Variants in ZNF407 observed in about 807,000 individuals in gnomAD.
The protein encoded by ZNF407 is zinc finger protein 407.
A neutral mutation model predicts 131.2 loss-of-function variants in ZNF407; 17 were observed. That is an observed-to-expected ratio of 0.13 (90% CI 0.09 to 0.19). The LOEUF (loss-of-function observed/expected upper bound fraction) is 0.19, where lower values mean the gene tolerates loss of function less well. ZNF407 is among the 10% of genes least tolerant of loss of function. ZNF407 has a pLI of 1.00. For missense variants in ZNF407, 2,681 were observed against 2,830.6 expected, an observed-to-expected ratio of 0.95 and a Z score of 1.20; for synonymous variants, 1,156 against 1,062.0, an observed-to-expected ratio of 1.09 and a Z score of -1.72.
intron 3 of ZNF407, among the ~76,000 whole-genome samples, chr18:74,713,475 TA>T (rs1003148899): frequency 2.6e-5 from 4 of 151,378 alleles, no homozygotes; most frequent in African/African-American, 9.7e-5. Flanking sequence ...AACAGAGATT[TA>T]AAAAATAGAT....
intron 8 of ZNF407, among the ~76,000 whole-genome samples, chr18:74,972,055 A>T (rs1363487951): frequency 1.3e-5 from 2 of 152,196 alleles, no homozygotes; most frequent in Non-Finnish European, 2.9e-5. Flanking sequence ...TCATGAGAAT[A>T]GCACGGGAAA....
intron 8 of ZNF407, among the ~76,000 whole-genome samples, chr18:75,032,751 ATAAC>A (rs1377839304): frequency 7.0e-6 from 1 of 143,520 alleles, no homozygotes; most frequent in Admixed American, 7.0e-5. Context: ...ATAGCATTAG[ATAAC>A]TAAGAGTGCT....
At chr18:74,939,299 T>C (rs1169576521) in intron 8 of ZNF407, among the ~76,000 whole-genome samples, 6 of 152,206 alleles carry the variant, frequency 3.9e-5, no homozygotes, top group African/African-American at 1.4e-4. Context: ...TTGATCATTA[T>C]TTTAGTGAAG....
At chr18:74,995,722 T>C (rs908590761) in intron 8 of ZNF407, among the ~76,000 whole-genome samples, 8 of 152,228 alleles carry the variant, frequency 5.3e-5, no homozygotes, top group Admixed American at 5.2e-4. Flanking sequence ...TCTGTCTTTT[T>C]CTGGGCAGTT....
rs190171654 is a variant in ZNF407, at chr18:74,778,546, G to A, written c.4803-2882G>A. On this transcript the variant is annotated intron_variant, in intron 3 of 8. Transcript: ENST00000299687. ...TAGGTTGTACATTTTTTGAGGGCAG[G>A]GACTTTTATTTGTTTTAGTCACCTG... is the stretch of plus-strand genomic sequence containing the variant. 9.9e-5 allele frequency among the ~76,000 whole-genome samples: 15 copies of A among 152,072 alleles called. No homozygotes were observed. The East Asian group carries it at 2.7e-3, about 27-fold the overall frequency.
chr18:75,052,486 C>A (rs1477642473), intron 8 of ZNF407, among the ~76,000 whole-genome samples: 2 of 152,158 alleles, frequency 1.3e-5, no homozygotes, highest in African/African-American at 4.8e-5. Context: ...CCTTGAAGAT[C>A]CTCCACCAGT....
At chr18:74,802,871 T>C (rs1970043698) in intron 4 of ZNF407, among the ~76,000 whole-genome samples, 1 of 152,228 alleles carries the variant, frequency 6.6e-6, no homozygotes, top group African/African-American at 2.4e-5. Flanking sequence ...TAGTCTGTTC[T>C]GACATTAAGC....
intron 3 of ZNF407, among the ~76,000 whole-genome samples, chr18:74,761,429 AT>A (rs947906983): frequency 2.0e-5 from 3 of 151,806 alleles, no homozygotes; most frequent in African/African-American, 7.3e-5. Context: ...CCTTAGCACA[AT>A]TTTTTTTACA....
rs547538919 is a variant in ZNF407 at position 75,023,703 on chromosome 18, C to T, written c.5429-39447C>T. On this transcript the variant is annotated intron_variant, in intron 8 of 8. Coordinates refer to ENST00000299687, the MANE Select transcript of ZNF407 (RefSeq NM_017757.3). ...TCTAATTATAGTTGTGAATCGTCAG[C>T]TACTCTAGCTATCTGAGCACCTACA... 2.0e-5 allele frequency among the ~76,000 whole-genome samples: 3 copies of T among 152,268 alleles called. No individual in the cohort carries two copies. The South Asian group carries it at 6.2e-4, about 32-fold the overall frequency.
At chr18:74,915,341 T>TGTGTGTGTGTGC (rs1971734393) in intron 7 of ZNF407, among the ~76,000 whole-genome samples, 1 of 149,704 alleles carries the variant, frequency 6.7e-6, no homozygotes, top group African/African-American at 2.5e-5. Context: ...TGTGTGTGTG[T>TGTGTGTGTGTGC]GTGTGTGTGT....
Position 74,633,738 on chromosome 18 carries a change from G to A in ZNF407, c.2719G>A (p.Val907Ile). The change falls in exon 2 of 9, where the codon GTA becomes ATA. Residue 907 changes from valine (V) to isoleucine (I), a missense_variant. Val to Ile is a conservative substitution (Grantham distance 29). Around this residue, in one of 6 missense-constraint regions of ZNF407, gnomAD observed 1,789 missense variants for 1,748.7 expected, o/e 1.02. Transcript: ENST00000299687. ...HCATKKHKGR[V>I]EIEASGKHSS... ...TGCCACCAAGAAACATAAAGGACGG[G>A]TAGAAATAGAAGCAAGTGGAAAACA... The A allele has an allele frequency of 6.2e-7, 1 of 1,613,980 alleles. No homozygotes were observed. The highest frequency in any genetic ancestry group is 8.5e-7 in the Non-Finnish European group (1 of 1,179,882).
chr18:74,643,685 G>A (rs951207070), intron 3 of ZNF407, among the ~76,000 whole-genome samples: 38 of 151,884 alleles, frequency 2.5e-4, no homozygotes, highest in African/African-American at 8.7e-4. Context: ...ACAGTATTGA[G>A]CTCAATATTA....
chr18:74,782,559 T>C (rs1031629547), intron 4 of ZNF407, among the ~76,000 whole-genome samples: 2 of 106,418 alleles, frequency 1.9e-5, no homozygotes, highest in African/African-American at 6.0e-5. Flanking sequence ...CCTCCCCTCC[T>C]CTTCTCTTCT....
At chr18:74,717,155 T>G (rs1780107046) in intron 3 of ZNF407, among the ~76,000 whole-genome samples, 2 of 152,228 alleles carry the variant, frequency 1.3e-5, no homozygotes, top group African/African-American at 4.8e-5. Flanking sequence ...CCTAGCCATT[T>G]CTGATGTAAT....
At position 74,904,456 on chromosome 18, in the gene ZNF407, C is replaced by T. The variant is rs1438939267; in HGVS notation, c.5249+14418C>T. Among the ~76,000 whole-genome samples, 2 of 152,174 alleles carry T rather than the reference C, an allele frequency of 1.3e-5. 1 individual carries two copies. The highest frequency in any genetic ancestry group is 2.9e-5 in the Non-Finnish European group (2 of 68,026). ...GGGCTTGCCCTTGCTGGAAGCCCTG[C>T]CCTCCTTCCTGTGATGTGGGTGACA... On this transcript the variant is annotated intron_variant, in intron 7 of 8. Coordinates refer to ENST00000299687, the MANE Select transcript of ZNF407 (RefSeq NM_017757.3).
At chr18:74,852,861 A>G (rs1970808827) in intron 4 of ZNF407, among the ~76,000 whole-genome samples, 1 of 152,252 alleles carries the variant, frequency 6.6e-6, no homozygotes. Context: ...GGTTAGGAGT[A>G]GTTCACTTCT....
intron 4 of ZNF407, among the ~76,000 whole-genome samples, chr18:74,848,837 A>T (rs1970738155): frequency 1.3e-5 from 2 of 152,128 alleles, no homozygotes; most frequent in Non-Finnish European, 2.9e-5. Context: ...GGCTATTCAT[A>T]AGCTGTGTCC....
intron 2 of ZNF407, among the ~76,000 whole-genome samples, chr18:74,639,936 AT>A (rs1984633216): frequency 6.6e-6 from 1 of 152,068 alleles, no homozygotes; most frequent in Non-Finnish European, 1.5e-5. Context: ...ATTTATTACA[AT>A]TTTTTAAATT....
At chr18:74,656,728 C>A (rs1005035027) in intron 3 of ZNF407, among the ~76,000 whole-genome samples, 2 of 152,080 alleles carry the variant, frequency 1.3e-5, no homozygotes, top group Admixed American at 1.3e-4. Context: ...GAAAGGGAAG[C>A]AGAGAATTAG....
Sources: allele counts gnomAD v4.1 joint callset (sites outside exome capture counted in the v4.1 genomes callset), GRCh38; gene constraint gnomAD v4.1.1; regional missense constraint gnomAD v4.1.1; transcripts MANE v1.5; gene names NCBI Gene and HGNC (gene_info 2026-07-23, HGNC 2026-07-21).